ANXA10: variants seen among roughly 807,000 people sequenced by gnomAD.
ANXA10 encodes annexin A10.
A neutral mutation model predicts 53.5 loss-of-function variants in ANXA10; 49 were observed. The ratio of observed to expected loss-of-function variants is 0.92; its 90% CI spans 0.73 to 1.16. The LOEUF (loss-of-function observed/expected upper bound fraction) is 1.16. Ranked by LOEUF, ANXA10 falls within the 50% of genes most tolerant of loss-of-function variation. ANXA10 has a pLI of 0.00. For missense variants in ANXA10, 393 were observed against 394.4 expected, an observed-to-expected ratio of 1.00 and a Z score of 0.03; for synonymous variants, 131 against 128.9, an observed-to-expected ratio of 1.02 and a Z score of -0.11.
chr4:168,172,846 A>G (rs1732041674), intron 6 of ANXA10, among the ~76,000 whole-genome samples: 1 of 148,764 alleles, frequency 6.7e-6, no homozygotes, highest in African/African-American at 2.5e-5. Flanking sequence ...CTGGAGTGCA[A>G]TGGCACAATC....
chr4:168,115,300 C>A (rs1259767477), intron 1 of ANXA10, among the ~76,000 whole-genome samples: 1 of 152,100 alleles, frequency 6.6e-6, no homozygotes. Flanking sequence ...CCCCAAAATA[C>A]CACCAACTAA....
intron 3 of ANXA10, among the ~76,000 whole-genome samples, chr4:168,156,995 A>C (rs1731697147): frequency 6.6e-6 from 1 of 152,130 alleles, no homozygotes; most frequent in African/African-American, 2.4e-5. Flanking sequence ...ATTAATGATG[A>C]AGTTCATATT....
chr4:168,132,570 C>A (rs1164889162), intron 2 of ANXA10, among the ~76,000 whole-genome samples: 1 of 152,012 alleles, frequency 6.6e-6, no homozygotes, highest in Non-Finnish European at 1.5e-5. Context: ...TTTGATAGCA[C>A]AACAGGGTGA....
At chr4:168,182,318 A>ATTTTTTTTGTTTT in intron 10 of ANXA10, among the ~76,000 whole-genome samples, 1 of 49,726 alleles carries the variant, frequency 2.0e-5, no homozygotes, top group Non-Finnish European at 3.3e-5. Context: ...TGGAGCATTA[A>ATTTTTTTTGTTTT]TTTTTTTTTT....
intron 1 of ANXA10, among the ~76,000 whole-genome samples, chr4:168,097,963 A>C (rs567056166): frequency 1.1e-4 from 17 of 152,180 alleles, no homozygotes; most frequent in African/African-American, 3.4e-4. Context: ...AGAAGTTAGA[A>C]CACCTCTCTA....
intron 1 of ANXA10, among the ~76,000 whole-genome samples, chr4:168,120,809 G>A (rs1730972869): frequency 1.3e-5 from 2 of 151,972 alleles, no homozygotes; most frequent in Non-Finnish European, 1.5e-5. Flanking sequence ...TACTTACAGT[G>A]CTTAAAGTGG....
At chr4:168,168,182 G>A (rs554569783) in intron 6 of ANXA10, among the ~76,000 whole-genome samples, 2 of 152,166 alleles carry the variant, frequency 1.3e-5, no homozygotes, top group South Asian at 2.1e-4. Flanking sequence ...TCCTTCCACC[G>A]TTACAACTGG....
At chr4:168,177,639 T>C (rs1732155670) in intron 6 of ANXA10, 101 bp from the exon 7 acceptor site, 1 of 1,171,986 alleles carries the variant, frequency 8.5e-7, no homozygotes, top group Non-Finnish European at 1.3e-6. Flanking sequence ...AGAAGTTCCT[T>C]AGGAACAATC....
chr4:168,184,377 A>G (rs1243604701), intron 10 of ANXA10, among the ~76,000 whole-genome samples, 182 bp from the exon 11 acceptor site: 2 of 152,186 alleles, frequency 1.3e-5, no homozygotes, highest in Non-Finnish European at 2.9e-5. Flanking sequence ...GCGGTAAGGG[A>G]GAGGGAGAAG....
chr4:168,127,722 C>T (rs776718641), intron 1 of ANXA10: 12 of 469,744 alleles, frequency 2.6e-5, no homozygotes, highest in East Asian at 1.1e-4. Flanking sequence ...ACAAGTAAGG[C>T]GTTTGTTTAA....
intron 3 of ANXA10, among the ~76,000 whole-genome samples, chr4:168,155,500 TATATATTATAAA>T (rs1284633915): frequency 1.7e-4 from 4 of 24,126 alleles, no homozygotes; most frequent in African/African-American, 2.4e-4. Context: ...AATATATAAT[TATATATTATAAA>T]ATATATAATT....
At chr4:168,131,833 G>A (rs1244860684) in intron 2 of ANXA10, among the ~76,000 whole-genome samples, 2 of 151,940 alleles carry the variant, frequency 1.3e-5, no homozygotes, top group Non-Finnish European at 2.9e-5. Flanking sequence ...GATTGCATTT[G>A]CATGGTATAT....
chr4:168,165,454 T>C (rs1395395738), intron 6 of ANXA10, 128 bp downstream of exon 6: 3 of 436,636 alleles, frequency 6.9e-6, no homozygotes, highest in Non-Finnish European at 1.2e-5. Flanking sequence ...AAATTCTGTG[T>C]AGTAACATTT....
intron 1 of ANXA10, among the ~76,000 whole-genome samples, chr4:168,111,276 C>T (rs968152922): frequency 6.6e-6 from 1 of 152,144 alleles, no homozygotes; most frequent in African/African-American, 2.4e-5. Flanking sequence ...GGTGAGCAAA[C>T]ACTTAGATCC....
intron 10 of ANXA10, among the ~76,000 whole-genome samples, chr4:168,182,157 C>T (rs1271289163): frequency 2.0e-5 from 3 of 151,852 alleles, no homozygotes; most frequent in Admixed American, 1.3e-4. Flanking sequence ...TTTCAATACA[C>T]GAAATTATGT....
intron 2 of ANXA10, among the ~76,000 whole-genome samples, chr4:168,136,886 G>T (rs907253919): frequency 6.6e-6 from 1 of 152,226 alleles, no homozygotes; most frequent in Non-Finnish European, 1.5e-5. Flanking sequence ...GCAGATGTCT[G>T]CTTGGACATC....
At chr4:168,115,609 G>A (rs1331123667) in intron 1 of ANXA10, among the ~76,000 whole-genome samples, 1 of 151,314 alleles carries the variant, frequency 6.6e-6, no homozygotes, top group Non-Finnish European at 1.5e-5. Context: ...TTACTTGTAG[G>A]GTCCTTTGAA....
intron 6 of ANXA10, among the ~76,000 whole-genome samples, chr4:168,174,732 C>G (rs116028284): frequency 6.6e-6 from 1 of 152,120 alleles, no homozygotes; most frequent in African/African-American, 2.4e-5. Context: ...CGAAGAAAAA[C>G]GGAATCAAAT....
intron 1 of ANXA10, among the ~76,000 whole-genome samples, chr4:168,119,616 T>C (rs1011010678): frequency 1.7e-4 from 26 of 152,278 alleles, no homozygotes; most frequent in Admixed American, 1.0e-3. Context: ...ACCATATTAA[T>C]ATGTATGTCT....
Sources: gnomAD v4.1 joint callset for allele counts (sites outside exome capture counted in the v4.1 genomes callset) on GRCh38, gnomAD v4.1.1 for gene constraint, MANE v1.5 for transcripts, NCBI Gene and HGNC (gene_info 2026-07-23, HGNC 2026-07-21) for gene names.